Variants in BCL3 observed in about 807,000 individuals in gnomAD.
BCL3 encodes the protein B-cell lymphoma 3 protein.
Under a neutral mutation model 35.7 loss-of-function variants are expected in BCL3, and 15 were observed. The ratio of observed to expected loss-of-function variants is 0.42; its 90% CI spans 0.28 to 0.65. BCL3 has a LOEUF of 0.65. Among genes scored for constraint, BCL3 ranks in the 30% least tolerant of loss-of-function variants. The pLI is 0.22. For missense variants in BCL3, 565 were observed against 641.7 expected, an observed-to-expected ratio of 0.88 and a Z score of 1.29; for synonymous variants, 311 against 284.3, an observed-to-expected ratio of 1.09 and a Z score of -0.95.
chr19:44,753,717 G>A (rs1410833458), intron 2 of BCL3, among the ~76,000 whole-genome samples: 1 of 151,960 alleles, frequency 6.6e-6, no homozygotes, highest in African/African-American at 2.4e-5. Context: ...AAGGTTGGGA[G>A]GCTGGGCTTC....
In BCL3 at chr19:44,748,756, C is replaced by T. The variant is rs1967116424; in HGVS notation, c.-35C>T. The T allele has an allele frequency of 1.1e-5, 12 of 1,090,054 alleles. No individual in the cohort carries two copies. Among genetic ancestry groups the T allele is most frequent in the African/African-American group, 1.7e-5 (1 of 59,334 alleles). 67.5% of individuals were successfully genotyped at this position (1,090,054 alleles called of 1,614,324 possible). ...AAACCACCCTCCCGTGCAGCCGAGC[C>T]CAGCCGCTCTCCGGCCGCCGTCCCC... On this transcript the variant is annotated 5_prime_UTR_variant, in exon 1 of 9. Transcript: ENST00000164227.
intron 1 of BCL3, among the ~76,000 whole-genome samples, chr19:44,749,402 T>C (rs1243601573): frequency 6.6e-6 from 1 of 151,868 alleles, no homozygotes; most frequent in Admixed American, 6.6e-5. Flanking sequence ...GCCAGATGTG[T>C]AGCGTTATGA....
At chr19:44,758,698 C>A in intron 7 of BCL3, 26 bp from the exon 8 acceptor site, 1 of 1,559,622 alleles carries the variant, frequency 6.4e-7, no homozygotes, top group Non-Finnish European at 8.7e-7. Context: ...ATGGGTGGCT[C>A]TATGGTCACG....
At chr19:44,758,210 C>T (rs771039737) in intron 6 of BCL3, 36 bp from the exon 7 acceptor site, 19 of 1,441,888 alleles carry the variant, frequency 1.3e-5, no homozygotes, top group Admixed American at 5.6e-5. Flanking sequence ...CCGGGTGGCC[C>T]GCGCGCCCTC....
At chr19:44,748,595 C>A, upstream of BCL3, 2 of 527,470 alleles carry the variant, frequency 3.8e-6, no homozygotes, top group Non-Finnish European at 4.9e-6. Flanking sequence ...GGAGCAGCGG[C>A]GGGTCCAGGA....
Position 44,758,330 on chromosome 19 carries a change from C to A in BCL3, c.976C>A (p.Arg326Ser). 6.4e-7 allele frequency: 1 copy of A among 1,572,362 alleles called. No individual in the cohort carries two copies. The highest frequency in any genetic ancestry group is 8.6e-7 in the Non-Finnish European group (1 of 1,166,064). ...CGGCCGCGGGCTCCTCCCGCTGGTG[C>A]GCACGCTGGTCCGCAGCGGCGCTGA... ...ASGRGLLPLVRTLVRSGADSS... is the reference protein window; with the variant it reads ...ASGRGLLPLVSTLVRSGADSS... Residue 326 changes from arginine to serine, a missense_variant, in exon 7 of 9, where the codon CGC (arginine) becomes AGC (serine). This residue lies in a region of BCL3 where 39 missense variants were observed against 88.1 expected (regional missense o/e 0.44). Transcript: ENST00000164227.
rs1396839498 is a variant in BCL3 at position 44,757,504 on chromosome 19, G to T, written c.813+89G>T. 2 of 1,483,180 alleles carry T rather than the reference G, an allele frequency of 1.3e-6. No individual in the cohort carries two copies. Among genetic ancestry groups the T allele is most frequent in the African/African-American group, 1.4e-5 (1 of 71,824 alleles). 91.9% of individuals were successfully genotyped at this position (1,483,180 alleles called of 1,614,324 possible). A position where few individuals can be genotyped will look rare whatever the true frequency, so the allele number is the denominator to read the frequency against. On this transcript the variant is annotated intron_variant, in intron 5 of 8. Coordinates refer to ENST00000164227, the MANE Select transcript of BCL3 (RefSeq NM_005178.5). The surrounding 1 kb of genome is among the most constrained non-coding windows in gnomAD (Gnocchi z 8.4). ...CGGGGCCAGTGTGGGGCTGGCGTGG[G>T]AGAGCACCCGGGTGGGGTGGGGCTT... is the stretch of plus-strand genomic sequence containing the variant.
chr19:44,759,588 C>G lies in BCL3; in HGVS notation c.1338C>G (p.Pro446=). The change falls in exon 9 of 9, where the codon CCC becomes CCG. Residue 446 remains proline (P), a synonymous_variant. Transcript: ENST00000164227. ...GVLRGPGRPV[P]PSPAPGGS is the part of the protein sequence containing the mutation. ...TCCGAGGCCCTGGCCGGCCGGTGCC[C>G]CCCTCCCCAGCTCCAGGAGGCAGCT... 6.2e-7 allele frequency: 1 copy of G among 1,607,716 alleles called. No homozygotes were observed. Among genetic ancestry groups the G allele is most frequent in the Non-Finnish European group, 8.5e-7 (1 of 1,178,680 alleles).
chr19:44,754,088 G>T (rs1392608573), intron 2 of BCL3, among the ~76,000 whole-genome samples: 2 of 152,216 alleles, frequency 1.3e-5, no homozygotes, highest in African/African-American at 4.8e-5. Context: ...AAGGGCCAGG[G>T]TTTGAGGCGC....
In BCL3 at chr19:44,752,078, GCACACA is replaced by G. The variant is rs3138632; in HGVS notation, c.410+725_410+730del. 4.9e-3 allele frequency among the ~76,000 whole-genome samples: 719 copies of G among 145,970 alleles called. 4 individuals carry two copies. Among genetic ancestry groups the G allele is most frequent in the African/African-American group, 0.015 (612 of 40,782 alleles). ...TTACTATTATTTTATCTCAAACCCA[GCACACA>G]CACACACACACACACACACACACAC... On this transcript the variant is annotated intron_variant, in intron 2 of 8. Coordinates refer to ENST00000164227, the MANE Select transcript of BCL3 (RefSeq NM_005178.5).
chr19:44,747,966 G>A, upstream of BCL3: 1 of 1,168,232 alleles, frequency 8.6e-7, no homozygotes, highest in East Asian at 6.3e-5. Flanking sequence ...TAGACCCACA[G>A]CTGATGAGGC....
In BCL3 at chr19:44,757,573, T is replaced by C; in HGVS notation, c.814-73T>C. 6.4e-7 allele frequency: 1 copy of C among 1,572,030 alleles called. No individual in the cohort carries two copies. The highest frequency in any genetic ancestry group is 8.7e-7 in the Non-Finnish European group (1 of 1,144,776). Reference sequence around the variant, plus strand: ...GAGAGGCTGGACCCCGCGAATGGGATGTGGACGGGATGCGGGTCGCCGGCT... The same window carrying C: ...GAGAGGCTGGACCCCGCGAATGGGACGTGGACGGGATGCGGGTCGCCGGCT... On this transcript the variant is annotated intron_variant, in intron 5 of 8. Coordinates refer to ENST00000164227, the MANE Select transcript of BCL3 (RefSeq NM_005178.5). This position sits in a 1 kb window ranked among gnomAD's most constrained non-coding sequence, Gnocchi z 8.4.
At chr19:44,748,614 G>A (rs1261445056), upstream of BCL3, 42 of 722,356 alleles carry the variant, frequency 5.8e-5, no homozygotes, top group South Asian at 1.9e-4. Flanking sequence ...GAAACCCCTG[G>A]GGCGTACGGG....
rs1599839388 is a variant in BCL3, at chr19:44,752,890, G to T, written c.410+1510G>T. ...ATACAAAGCACTTCTGTGAGAATTA[G>T]TTTGGGGCCTGGAAACCACAGGTAG... is the stretch of plus-strand genomic sequence containing the variant. On this transcript the variant is annotated intron_variant, in intron 2 of 8. Transcript: ENST00000164227. 2.0e-5 allele frequency among the ~76,000 whole-genome samples: 3 copies of T among 152,292 alleles called. No individual in the cohort carries two copies. The South Asian group carries it at 6.2e-4, about 32-fold the overall frequency.
intron 1 of BCL3, among the ~76,000 whole-genome samples, chr19:44,749,284 T>TG (rs34390099): frequency 0.03 from 3,090 of 103,454 alleles, 61 homozygotes; most frequent in East Asian, 0.056. Flanking sequence ...CTGAGTGACG[T>TG]GGGGGGGGGG....
At chr19:44,755,900 T>C (rs1190829488) in intron 2 of BCL3, among the ~76,000 whole-genome samples, 1 of 152,018 alleles carries the variant, frequency 6.6e-6, no homozygotes, top group East Asian at 1.9e-4. Context: ...GCCTGGGCGA[T>C]AGAACAACAC....
chr19:44,758,942 C>G, intron 8 of BCL3, 101 bp downstream of exon 8: 1 of 1,012,370 alleles, frequency 9.9e-7, no homozygotes, highest in Non-Finnish European at 1.4e-6. Context: ...AGTCCAGGCC[C>G]CTAGCCTCCT....
chr19:44,756,667 C>G (rs1176997458), intron 3 of BCL3, among the ~76,000 whole-genome samples: 1 of 151,084 alleles, frequency 6.6e-6, no homozygotes, highest in Non-Finnish European at 1.5e-5. Flanking sequence ...GGTCTGGACT[C>G]TAAGTAGCGA....
Position 44,748,862 on chromosome 19 carries a change from A to C in BCL3, c.72A>C (p.Gly24=). ...TGCGCACCCGGCCCAAGGCCGCCGG[A>C]CTCCCGGGCGCCGCGCTGCCGCTCC... ...VDLRTRPKAA[G]LPGAALPLRK... The change falls in exon 1 of 9, where the codon GGA becomes GGC. Residue 24 remains glycine, a synonymous_variant. Transcript: ENST00000164227. 1 of 1,102,820 alleles carries C rather than the reference A, an allele frequency of 9.1e-7. No individual in the cohort carries two copies. Among genetic ancestry groups the C allele is most frequent in the Non-Finnish European group, 1.1e-6 (1 of 907,612 alleles). The allele number at this position is 1,102,820 out of a possible 1,614,324, so 68.3% of individuals were successfully genotyped here. A position where few individuals can be genotyped will look rare whatever the true frequency, so the allele number is the denominator to read the frequency against.
Sources: allele counts gnomAD v4.1 joint callset (sites outside exome capture counted in the v4.1 genomes callset), GRCh38; gene constraint gnomAD v4.1.1; regional missense constraint gnomAD v4.1.1; non-coding constraint Gnocchi (gnomAD v3.1); transcripts MANE v1.5; gene names NCBI Gene and HGNC (gene_info 2026-07-23, HGNC 2026-07-21).